Variants in GRID2 observed in about 807,000 individuals in gnomAD.
GRID2 encodes the protein glutamate ionotropic receptor delta type subunit 2.
A neutral mutation model predicts 114.8 loss-of-function variants in GRID2; 33 were observed. The ratio of observed to expected loss-of-function variants is 0.29; its 90% CI spans 0.22 to 0.38. The LOEUF (loss-of-function observed/expected upper bound fraction) is 0.38, where lower values mean the gene tolerates loss of function less well. GRID2 is among the 10% of genes least tolerant of loss of function. The probability of loss-of-function intolerance (pLI) is 1.00; values close to 1 mark genes in which losing one functional copy is unlikely to be tolerated. For synonymous variants in GRID2, 505 were observed against 449.9 expected (o/e 1.12, Z -1.55); for missense variants, 1,184 against 1,257.7 (o/e 0.94, Z 0.89).
chr4:92,506,590 G>A (rs1723982847), intron 1 of GRID2, among the ~76,000 whole-genome samples: 1 of 147,336 alleles, frequency 6.8e-6, no homozygotes, highest in Non-Finnish European at 1.5e-5. Context: ...GCACATGACA[G>A]CTTGAAAATT....
At chr4:92,808,157 C>T (rs1033784919) in intron 2 of GRID2, among the ~76,000 whole-genome samples, 71 of 151,962 alleles carry the variant, frequency 4.7e-4, no homozygotes, top group African/African-American at 1.6e-3. Flanking sequence ...CTGAGGTATG[C>T]GGGTATCACT....
At chr4:92,460,054 A>ATATATATATATATATATATAT in intron 1 of GRID2, among the ~76,000 whole-genome samples, 1 of 86,302 alleles carries the variant, frequency 1.2e-5, no homozygotes, top group African/African-American at 4.1e-5. Context: ...ATATATATAT[A>ATATATATATATATATATATAT]CACACACAAC....
At chr4:93,054,392 A>C (rs1727029328) in intron 2 of GRID2, among the ~76,000 whole-genome samples, 1 of 151,838 alleles carries the variant, frequency 6.6e-6, no homozygotes, top group Non-Finnish European at 1.5e-5. Context: ...GTAGGAAATA[A>C]GTTTAAGGGA....
At chr4:92,575,018 C>G (rs902327502) in intron 1 of GRID2, among the ~76,000 whole-genome samples, 2 of 152,042 alleles carry the variant, frequency 1.3e-5, no homozygotes, top group African/African-American at 4.8e-5. Flanking sequence ...TTTGTTCATT[C>G]CTTTTTCTCT....
chr4:93,374,210 A>G (rs1763176989), intron 8 of GRID2, among the ~76,000 whole-genome samples: 1 of 152,208 alleles, frequency 6.6e-6, no homozygotes, highest in Admixed American at 6.5e-5. Context: ...AAAAGGCAAT[A>G]ATATGTCATA....
At chr4:92,340,308 A>G (rs948291513) in intron 1 of GRID2, among the ~76,000 whole-genome samples, 2 of 152,200 alleles carry the variant, frequency 1.3e-5, no homozygotes, top group African/African-American at 2.4e-5. Flanking sequence ...ATTCCTGCTC[A>G]GTCCAATCTA....
chr4:92,579,570 C>T (rs17320444), intron 1 of GRID2, among the ~76,000 whole-genome samples: 2 of 151,950 alleles, frequency 1.3e-5, no homozygotes, highest in South Asian at 4.1e-4. Flanking sequence ...GGTCTTGGAA[C>T]CCAGAGAGTT....
At chr4:92,804,704 G>A (rs1578213800) in intron 2 of GRID2, among the ~76,000 whole-genome samples, 1 of 151,932 alleles carries the variant, frequency 6.6e-6, no homozygotes, top group Admixed American at 6.6e-5. Flanking sequence ...AGCAAGTATC[G>A]TATAACTTAA....
At chr4:92,714,747 C>T (rs1409510738) in intron 2 of GRID2, among the ~76,000 whole-genome samples, 1 of 152,174 alleles carries the variant, frequency 6.6e-6, no homozygotes, top group Non-Finnish European at 1.5e-5. Flanking sequence ...GGACCTTGGT[C>T]CCTTTTAATC....
At chr4:92,922,586 A>C (rs539401412) in intron 2 of GRID2, among the ~76,000 whole-genome samples, 1 of 152,338 alleles carries the variant, frequency 6.6e-6, no homozygotes, top group African/African-American at 2.4e-5. Flanking sequence ...ATATGAAATT[A>C]CAAAAACATA....
intron 8 of GRID2, among the ~76,000 whole-genome samples, chr4:93,271,176 C>T (rs1281523166): frequency 2.0e-5 from 3 of 152,070 alleles, no homozygotes; most frequent in Non-Finnish European, 4.4e-5. Context: ...CATTCTGAAG[C>T]ACGTAGACAT....
At chr4:93,423,336 C>CTTTTTTTTT (rs554663844) in intron 10 of GRID2, among the ~76,000 whole-genome samples, 14 of 73,568 alleles carry the variant, frequency 1.9e-4, no homozygotes, top group South Asian at 6.8e-4. Context: ...TTTTTTCTTT[C>CTTTTTTTTT]TTTTTTTTTT....
At chr4:93,217,134 A>G (rs988290207) in intron 6 of GRID2, 5 of 369,762 alleles carry the variant, frequency 1.4e-5, no homozygotes, top group Middle Eastern at 7.5e-4. Context: ...AAAAAAATAT[A>G]ATAAGTAAAG....
intron 2 of GRID2, among the ~76,000 whole-genome samples, chr4:92,820,630 C>T (rs1482846875): frequency 1.3e-5 from 2 of 151,942 alleles, no homozygotes; most frequent in African/African-American, 2.4e-5. Context: ...CTATAAATAC[C>T]CTGGAAATAG....
At chr4:92,482,021 TATATATATATATAA>T (rs1286396106) in intron 1 of GRID2, among the ~76,000 whole-genome samples, 825 of 66,128 alleles carry the variant, frequency 0.012, 32 homozygotes, top group African/African-American at 0.042. Flanking sequence ...TATATATATA[TATATATATATATAA>T]AATAACAATA....
intron 6 of GRID2, among the ~76,000 whole-genome samples, chr4:93,221,120 G>A (rs760967673): frequency 4.6e-5 from 7 of 152,048 alleles, no homozygotes; most frequent in Non-Finnish European, 1.0e-4. Flanking sequence ...TAATATAATC[G>A]TGGTCTCTAT....
intron 1 of GRID2, among the ~76,000 whole-genome samples, chr4:93,795,797 T>C (rs929795389): frequency 6.6e-6 from 1 of 152,236 alleles, no homozygotes; most frequent in African/African-American, 2.4e-5. Context: ...CAGTGGTTCA[T>C]GTGAAAACCA....
At chr4:92,486,171 A>C (rs1034999540) in intron 1 of GRID2, among the ~76,000 whole-genome samples, 1 of 151,238 alleles carries the variant, frequency 6.6e-6, no homozygotes. Context: ...AAAATAAAAA[A>C]ATATAAAATT....
chr4:93,631,386 A>T (rs12641655), intron 14 of GRID2, among the ~76,000 whole-genome samples: 7 of 151,848 alleles, frequency 4.6e-5, no homozygotes, highest in Non-Finnish European at 8.8e-5. Flanking sequence ...CTAGGACAGG[A>T]CCTGGTGTGT....
Sources: gnomAD v4.1 joint callset for allele counts (sites outside exome capture counted in the v4.1 genomes callset) on GRCh38, gnomAD v4.1.1 for gene constraint, MANE v1.5 for transcripts, NCBI Gene and HGNC (gene_info 2026-07-23, HGNC 2026-07-21) for gene names.